The following AGBL1 variants were observed in gnomAD, a reference collection of about 807,000 sequenced individuals.
AGBL1 encodes cytosolic carboxypeptidase 4.
In AGBL1, 130 loss-of-function variants were observed where a neutral mutation model predicts 118.9. The ratio of observed to expected loss-of-function variants is 1.09; its 90% confidence interval spans 0.95 to 1.26. AGBL1 has a LOEUF of 1.26. Among genes scored for constraint, AGBL1 ranks in the 50% most tolerant of loss-of-function variants. The pLI is 0.00. For missense variants in AGBL1, 1,584 were observed against 1,298.1 expected (o/e 1.22, Z -3.38); for synonymous variants, 555 against 478.9 (o/e 1.16, Z -2.08).
At chr15:86,307,949 A>T (rs1006616253) in intron 17 of AGBL1, among the ~76,000 whole-genome samples, 8 of 152,292 alleles carry the variant, frequency 5.3e-5, no homozygotes, top group African/African-American at 1.7e-4. Flanking sequence ...CCTCAGAGTA[A>T]CTACCATCCT....
rs1387961707 is a variant in AGBL1, at chr15:86,914,058, A to C, written c.*6764A>C. The C allele has an allele frequency of 6.6e-6, 1 of 152,214 alleles. No homozygotes were observed. The highest frequency in any genetic ancestry group is 2.4e-5 in the African/African-American group (1 of 41,458). 9.4% of individuals were successfully genotyped at this position (152,214 alleles called of 1,614,324 possible). A position where few individuals can be genotyped will look rare whatever the true frequency, so the allele number is the denominator to read the frequency against. On this transcript the variant is annotated 3_prime_UTR_variant, in exon 23 of 23. Transcript: ENST00000614907. ...ATAATTATTTGGAGCTATTCAGTTAAAGTGTCTGAGTGTAGCCCTGGTCTT... is the reference window on the plus strand; with the variant it reads ...ATAATTATTTGGAGCTATTCAGTTACAGTGTCTGAGTGTAGCCCTGGTCTT...
rs2077624858 is a variant in AGBL1, at chr15:86,737,933, AG to A, written c.3158+63498del. ...ATCAAATCAAATAACATATCAAAAA[AG>A]TTAATACAACATAATCAACTAGTAT... On this transcript the variant is annotated intron_variant, in intron 22 of 22. Coordinates refer to ENST00000614907, the MANE Select transcript of AGBL1 (RefSeq NM_001386094.1). Among the ~76,000 whole-genome samples, 3 of 152,086 alleles carry A rather than the reference AG, an allele frequency of 2.0e-5. No individual in the cohort carries two copies. The South Asian group carries it at 6.2e-4, about 32-fold the overall frequency.
At chr15:86,652,050 A>C (rs1483426890) in intron 21 of AGBL1, among the ~76,000 whole-genome samples, 1 of 152,168 alleles carries the variant, frequency 6.6e-6, no homozygotes, top group Non-Finnish European at 1.5e-5. Context: ...TGTTTAACAA[A>C]TGAGTGATCT....
At chr15:86,218,346 C>T (rs904690675) in intron 5 of AGBL1, among the ~76,000 whole-genome samples, 3 of 152,014 alleles carry the variant, frequency 2.0e-5, no homozygotes, top group African/African-American at 7.2e-5. Context: ...GAAAAGGGGA[C>T]GTCTGGGGAG....
At chr15:86,390,327 A>T (rs1265457214) in intron 17 of AGBL1, among the ~76,000 whole-genome samples, 2 of 152,236 alleles carry the variant, frequency 1.3e-5, no homozygotes, top group South Asian at 2.1e-4. Context: ...TCAATAATTC[A>T]TGGAACAAGC....
intron 21 of AGBL1, among the ~76,000 whole-genome samples, chr15:86,566,502 G>GTAGA (rs1158793460): frequency 2.0e-5 from 3 of 152,152 alleles, no homozygotes; most frequent in Non-Finnish European, 4.4e-5. Flanking sequence ...AAGGAGCAGA[G>GTAGA]TAGATCTTCA....
At chr15:86,205,441 T>A (rs1468967182) in intron 5 of AGBL1, among the ~76,000 whole-genome samples, 1 of 152,240 alleles carries the variant, frequency 6.6e-6, no homozygotes, top group Non-Finnish European at 1.5e-5. Context: ...CATGTGGAGA[T>A]GAGTTTTTAA....
intron 18 of AGBL1, among the ~76,000 whole-genome samples, chr15:86,436,603 C>T (rs561570879): frequency 3.9e-5 from 6 of 152,156 alleles, no homozygotes; most frequent in East Asian, 1.9e-4. Flanking sequence ...AATAGAGTGA[C>T]GAAGACCAGA....
chr15:86,270,126 CTGTT>C (rs2079135821), intron 14 of AGBL1, 59 bp downstream of exon 14: 1 of 1,550,262 alleles, frequency 6.5e-7, no homozygotes, highest in East Asian at 2.4e-5. Context: ...CATTTCTTGA[CTGTT>C]TGGATTCAAA....
At chr15:86,264,903 G>A in intron 11 of AGBL1, 65 bp downstream of exon 11, 3 of 1,370,654 alleles carry the variant, frequency 2.2e-6, no homozygotes, top group Non-Finnish European at 3.0e-6. Context: ...AAGTAAAATG[G>A]TTTGTACAGA....
intron 22 of AGBL1, among the ~76,000 whole-genome samples, chr15:86,885,157 T>A (rs1191955959): frequency 6.6e-6 from 1 of 152,184 alleles, no homozygotes; most frequent in African/African-American, 2.4e-5. Context: ...ATGATTCTTA[T>A]AATACAATAT....
At chr15:86,487,012 C>T (rs1211603418) in intron 18 of AGBL1, among the ~76,000 whole-genome samples, 5 of 152,024 alleles carry the variant, frequency 3.3e-5, no homozygotes, top group South Asian at 2.1e-4. Context: ...AGGTGTCCAA[C>T]GGTGCCGCAC....
At chr15:86,860,124 G>A (rs138173409) in intron 22 of AGBL1, among the ~76,000 whole-genome samples, 246 of 152,176 alleles carry the variant, frequency 1.6e-3, no homozygotes, top group African/African-American at 5.5e-3. Context: ...GTCATTCACC[G>A]ACTGTAAAAA....
At chr15:86,209,372 G>A (rs546022040) in intron 5 of AGBL1, among the ~76,000 whole-genome samples, 1 of 152,274 alleles carries the variant, frequency 6.6e-6, no homozygotes, top group East Asian at 1.9e-4. Flanking sequence ...GGATACCCTT[G>A]TTAACCTTCT....
intron 22 of AGBL1, among the ~76,000 whole-genome samples, chr15:86,752,072 T>G (rs1338395847): frequency 6.6e-6 from 1 of 152,106 alleles, no homozygotes; most frequent in Non-Finnish European, 1.5e-5. Flanking sequence ...TATGTCATTC[T>G]GTAAATCACA....
chr15:86,414,302 GCA>G (rs1254576233), intron 18 of AGBL1, among the ~76,000 whole-genome samples: 4 of 152,098 alleles, frequency 2.6e-5, no homozygotes, highest in Non-Finnish European at 5.9e-5. Context: ...TAACCAAATT[GCA>G]CTTGTACCCC....
At chr15:86,670,407 C>A (rs1156811764) in intron 21 of AGBL1, among the ~76,000 whole-genome samples, 5 of 151,746 alleles carry the variant, frequency 3.3e-5, no homozygotes, top group Non-Finnish European at 1.5e-5. Flanking sequence ...AGTTTGAGAC[C>A]AGCCTGGCCA....
intron 18 of AGBL1, among the ~76,000 whole-genome samples, chr15:86,467,838 T>G (rs1345105187): frequency 6.6e-6 from 1 of 152,186 alleles, no homozygotes; most frequent in Non-Finnish European, 1.5e-5. Context: ...TCCAGTGAGA[T>G]GAACCAGGTA....
Position 86,159,278 on chromosome 15 carries a change from C to T in AGBL1, c.488+252C>T, listed in dbSNP as rs771471724. On this transcript the variant is annotated intron_variant, in intron 5 of 22. Coordinates refer to ENST00000614907, the MANE Select transcript of AGBL1 (RefSeq NM_001386094.1). ...TTCAGACGAGCAAGTTAAAATATGTCGAGAGCCTTATCCAAGGTCCCTGTG... is the reference window on the plus strand; with the variant it reads ...TTCAGACGAGCAAGTTAAAATATGTTGAGAGCCTTATCCAAGGTCCCTGTG... 1.9e-4 allele frequency among the ~76,000 whole-genome samples: 29 copies of T among 152,184 alleles called. No homozygotes were observed. The Middle Eastern group carries it at 0.014, about 71-fold the overall frequency.
Sources: allele counts gnomAD v4.1 joint callset (sites outside exome capture counted in the v4.1 genomes callset), GRCh38; gene constraint gnomAD v4.1.1; transcripts MANE v1.5; gene names NCBI Gene and HGNC (gene_info 2026-07-23, HGNC 2026-07-21).